Variants in VDR observed in about 807,000 individuals in gnomAD.
VDR encodes vitamin D receptor.
Under a neutral mutation model 39.7 loss-of-function variants are expected in VDR, and 19 were observed. The ratio of observed to expected loss-of-function variants is 0.48; its 90% CI spans 0.33 to 0.70. VDR has a LOEUF of 0.70. Among genes scored for constraint, VDR ranks in the 30% least tolerant of loss-of-function variants. VDR has a pLI of 0.02. For missense variants in VDR, 442 were observed against 570.5 expected (o/e 0.77, Z 2.29); for synonymous variants, 242 against 215.8 (o/e 1.12, Z -1.07).
chr12:47,855,941 C>T, intron 6 of VDR, 140 bp from the exon 7 acceptor site: 1 of 954,270 alleles, frequency 1.0e-6, no homozygotes, highest in Non-Finnish European at 1.7e-6. Flanking sequence ...GGTCACCCTT[C>T]AGCCCCAGGC....
chr12:47,870,463 C>G (rs1945827434), intron 3 of VDR, among the ~76,000 whole-genome samples: 1 of 152,154 alleles, frequency 6.6e-6, no homozygotes, highest in Admixed American at 6.5e-5. Flanking sequence ...CATTTATACC[C>G]CAGCTCAGGA....
At chr12:47,895,826 G>T (rs1014102593) in intron 1 of VDR, among the ~76,000 whole-genome samples, 1 of 152,232 alleles carries the variant, frequency 6.6e-6, no homozygotes, top group African/African-American at 2.4e-5. Context: ...GGCCACACCA[G>T]GCTGAAGCTC....
At chr12:47,845,845 T>C (rs1246066229) in intron 9 of VDR, among the ~76,000 whole-genome samples, 1 of 152,240 alleles carries the variant, frequency 6.6e-6, no homozygotes, top group African/African-American at 2.4e-5. Context: ...AATAACTTCC[T>C]CTTCGGCCTT....
chr12:47,899,914 G>C, intron 1 of VDR: 1 of 985,654 alleles, frequency 1.0e-6, no homozygotes, highest in Non-Finnish European at 1.2e-6. Context: ...TATCAGAGGA[G>C]GCTAGAGTCC....
chr12:47,900,730 A>C (rs1414287349), intron 1 of VDR, among the ~76,000 whole-genome samples: 1 of 152,146 alleles, frequency 6.6e-6, no homozygotes, highest in Non-Finnish European at 1.5e-5. Context: ...AGTGCCTGGA[A>C]TGTCCCACCT....
At chr12:47,877,326 G>C (rs1235479384) in intron 3 of VDR, among the ~76,000 whole-genome samples, 1 of 152,190 alleles carries the variant, frequency 6.6e-6, no homozygotes, top group Non-Finnish European at 1.5e-5. Flanking sequence ...AAGGGCAGCA[G>C]TGGTGACCCA....
rs955652978 is a variant in VDR at position 47,853,858 on chromosome 12, G to T, written c.755+1772C>A. On this transcript the variant is annotated intron_variant, in intron 7 of 9. Coordinates refer to ENST00000549336, the MANE Select transcript of VDR (RefSeq NM_000376.3). Reference sequence around the variant, plus strand: ...AATTGCTTGAACCTGGAAGGCGGAGGTTGCAGTGAGCTGAGATCGCGCCAT... The same window carrying T: ...AATTGCTTGAACCTGGAAGGCGGAGTTTGCAGTGAGCTGAGATCGCGCCAT... Among the ~76,000 whole-genome samples, 3 of 151,902 alleles carry T rather than the reference G, an allele frequency of 2.0e-5. No individual in the cohort carries two copies. The East Asian group carries it at 5.8e-4, about 30-fold the overall frequency.
chr12:47,852,958 G>A (rs542750341), intron 7 of VDR, among the ~76,000 whole-genome samples: 49 of 152,252 alleles, frequency 3.2e-4, no homozygotes, highest in Admixed American at 4.6e-4. Context: ...CCCTTCTGCC[G>A]TAAATACAGC....
In VDR at chr12:47,878,953, G is replaced by C; in HGVS notation, c.146+15C>G. The stretch of plus-strand genomic sequence containing the variant: ...CCTCCCTTTCCACTGGGGAGAGCCT[G>C]GGAGGAGGGCTCACCTGAAGAAGCC... On this transcript the variant is annotated intron_variant, in intron 3 of 9. Transcript: ENST00000549336. The C allele has an allele frequency of 1.2e-6, 2 of 1,614,152 alleles. No individual in the cohort carries two copies. The highest frequency in any genetic ancestry group is 1.7e-6 in the Non-Finnish European group (2 of 1,180,040).
chr12:47,874,837 C>A (rs1391110762), intron 3 of VDR, among the ~76,000 whole-genome samples: 1 of 152,162 alleles, frequency 6.6e-6, no homozygotes. Flanking sequence ...CATATGCATC[C>A]ACATGCATAT....
chr12:47,859,959 C>A (rs1945592302), intron 4 of VDR, among the ~76,000 whole-genome samples: 1 of 139,322 alleles, frequency 7.2e-6, no homozygotes, highest in Non-Finnish European at 1.5e-5. Context: ...TTCTTTCTTT[C>A]TTTCTTTCTT....
intron 1 of VDR, among the ~76,000 whole-genome samples, chr12:47,887,033 C>T (rs937975698): frequency 8.5e-5 from 13 of 152,074 alleles, no homozygotes; most frequent in Admixed American, 6.6e-4. Context: ...GAGCCCTGGC[C>T]GGGCGCGGTG....
chr12:47,885,458 C>T (rs1946234474), intron 1 of VDR, among the ~76,000 whole-genome samples: 2 of 152,260 alleles, frequency 1.3e-5, no homozygotes, highest in South Asian at 4.1e-4. Context: ...GGGGCCATCT[C>T]GCCTACGGCA....
chr12:47,859,267 G>A (rs1257745914), intron 4 of VDR, among the ~76,000 whole-genome samples: 1 of 152,198 alleles, frequency 6.6e-6, no homozygotes, highest in Non-Finnish European at 1.5e-5. Flanking sequence ...ACTGGACTTT[G>A]CTAACTTTCC....
chr12:47,900,956 C>A (rs1461139890), intron 1 of VDR, among the ~76,000 whole-genome samples: 1 of 152,186 alleles, frequency 6.6e-6, no homozygotes, highest in Non-Finnish European at 1.5e-5. Flanking sequence ...TGGCACAGGA[C>A]CTGCAGGGCA....
At chr12:47,863,408 C>T (rs746266012) in intron 4 of VDR, among the ~76,000 whole-genome samples, 2 of 152,188 alleles carry the variant, frequency 1.3e-5, no homozygotes, top group Admixed American at 6.5e-5. Flanking sequence ...CAGTGCCTTA[C>T]GAACCACTGC....
At chr12:47,867,364 GAAAGA>G (rs1409054972) in intron 3 of VDR, among the ~76,000 whole-genome samples, 1 of 151,616 alleles carries the variant, frequency 6.6e-6, no homozygotes, top group Non-Finnish European at 1.5e-5. Flanking sequence ...AAAAAAAAAA[GAAAGA>G]AAAGAAAAAG....
chr12:47,853,927 G>GA lies in VDR; in HGVS notation c.755+1702dup, dbSNP rs202094611. Among the ~76,000 whole-genome samples, 83 of 145,042 alleles carry GA rather than the reference G, an allele frequency of 5.7e-4. 1 individual carries two copies. The highest frequency in any genetic ancestry group is 2.2e-3 in the Admixed American group (32 of 14,600). On this transcript the variant is annotated intron_variant, in intron 7 of 9. Transcript: ENST00000549336. The stretch of plus-strand genomic sequence containing the variant: ...AAAAGAGCGAAACCGTCTCAAAAAA[G>GA]AAAAAAAAAATTAACACTGCATGAG...
chr12:47,871,303 TTTC>T (rs1372631621), intron 3 of VDR, among the ~76,000 whole-genome samples: 1 of 122,486 alleles, frequency 8.2e-6, no homozygotes, highest in African/African-American at 3.1e-5. Context: ...TCTTTCTTTC[TTTC>T]TTTCTTTCTT....
Sources: allele counts gnomAD v4.1 joint callset (sites outside exome capture counted in the v4.1 genomes callset), GRCh38; gene constraint gnomAD v4.1.1; transcripts MANE v1.5; gene names NCBI Gene and HGNC (gene_info 2026-07-23, HGNC 2026-07-21).